The following BCL7A variants were observed in gnomAD, a reference collection of about 807,000 sequenced individuals.
BCL7A encodes BAF chromatin remodeling complex subunit BCL7A.
BCL7A carries 11 observed loss-of-function variants against 28.4 expected under a neutral mutation model. The ratio of observed to expected loss-of-function variants is 0.39; its 90% CI spans 0.24 to 0.64. BCL7A has a LOEUF of 0.64. Among genes scored for constraint, BCL7A ranks in the 30% least tolerant of loss-of-function variants. The pLI is 0.50. For synonymous variants in BCL7A, 123 were observed against 103.3 expected (o/e 1.19, Z -1.15); for missense variants, 222 against 274.8 (o/e 0.81, Z 1.36).
chr12:122,029,502 C>T lies in BCL7A; in HGVS notation c.93-1198C>T, dbSNP rs1189256122. 2.0e-5 allele frequency among the ~76,000 whole-genome samples: 3 copies of T among 152,182 alleles called. No homozygotes were observed. Among genetic ancestry groups the T allele is most frequent in the African/African-American group, 4.8e-5 (2 of 41,430 alleles). On this transcript the variant is annotated intron_variant, in intron 1 of 5. Transcript: ENST00000261822. The surrounding 1 kb of genome is among the most constrained non-coding windows in gnomAD (Gnocchi z 4.3). Reference sequence around the variant, plus strand: ...CAGGCAGCTCACGGACAGAGGTGCTCGTGCCACACAGAATTCTCAGTTCTG... The same window carrying T: ...CAGGCAGCTCACGGACAGAGGTGCTTGTGCCACACAGAATTCTCAGTTCTG...
In BCL7A at chr12:122,043,928, T is replaced by A; in HGVS notation, c.314T>A (p.Ile105Asn). Residue 105 changes from isoleucine to asparagine, a missense_variant, in exon 4 of 6, where the codon ATC (isoleucine) becomes AAC (asparagine). By Grantham distance (149) the Ile-to-Asn change is moderately radical. Coordinates refer to ENST00000261822, the MANE Select transcript of BCL7A (RefSeq NM_001024808.3). ...NQSSIADASP[I>N]KQENSSNSSP... ...AGCTCCATCGCAGATGCCTCCCCCATCAAACAGGAGAACAGCAGCAACTCC... is the reference window on the plus strand; with the variant it reads ...AGCTCCATCGCAGATGCCTCCCCCAACAAACAGGAGAACAGCAGCAACTCC... The A allele has an allele frequency of 6.2e-7, 1 of 1,613,622 alleles. No individual in the cohort carries two copies. Among genetic ancestry groups the A allele is most frequent in the Non-Finnish European group, 8.5e-7 (1 of 1,179,952 alleles).
intron 5 of BCL7A, among the ~76,000 whole-genome samples, chr12:122,056,041 G>T (rs1343902785): frequency 6.6e-6 from 1 of 152,224 alleles, no homozygotes; most frequent in Admixed American, 6.5e-5. Flanking sequence ...GTCTGAGACA[G>T]ACTAGGGCGC....
At chr12:122,038,431 C>CAAGAAAAAAA (rs1883900324) in intron 3 of BCL7A, among the ~76,000 whole-genome samples, 2 of 33,560 alleles carry the variant, frequency 6.0e-5, no homozygotes, top group South Asian at 1.1e-3. Context: ...GACTCTGCCT[C>CAAGAAAAAAA]AAAAAAAAAA....
intron 1 of BCL7A, among the ~76,000 whole-genome samples, chr12:122,024,061 G>A (rs1883550372): frequency 1.3e-5 from 2 of 152,248 alleles, no homozygotes; most frequent in South Asian, 2.1e-4. Flanking sequence ...GAGAGATGGG[G>A]CTTCCCACCC....
intron 4 of BCL7A, among the ~76,000 whole-genome samples, chr12:122,052,670 ATTGTTTTGTTTTTTGTT>A (rs1257256368): frequency 2.0e-5 from 3 of 150,916 alleles, no homozygotes; most frequent in African/African-American, 7.3e-5. Context: ...TTGTTTTTTT[ATTGTTTTGTTTTTTGTT>A]TTGTTTTGTT....
At chr12:122,050,689 G>A (rs1030877750) in intron 4 of BCL7A, among the ~76,000 whole-genome samples, 8 of 152,210 alleles carry the variant, frequency 5.3e-5, no homozygotes, top group Non-Finnish European at 1.0e-4. Flanking sequence ...CCAGCTACTC[G>A]GGAGGCTAAG....
At chr12:122,049,737 G>C (rs1487274309) in intron 4 of BCL7A, among the ~76,000 whole-genome samples, 1 of 152,068 alleles carries the variant, frequency 6.6e-6, no homozygotes, top group Admixed American at 6.6e-5. Context: ...CCCGTCTTTT[G>C]TTTTGCACAT....
intron 3 of BCL7A, among the ~76,000 whole-genome samples, chr12:122,043,008 CTT>C (rs1247246256): frequency 6.9e-6 from 1 of 145,194 alleles, no homozygotes; most frequent in African/African-American, 2.5e-5. Context: ...CCTCCCCCAA[CTT>C]TTTTTTTTTT....
rs144001545 is a variant in BCL7A, at chr12:122,045,589, A to C, written c.439+1536A>C. Among the ~76,000 whole-genome samples the C allele has an allele frequency of 3.1e-3, 475 of 152,130 alleles. 2 individuals carry two copies. The highest frequency in any genetic ancestry group is 0.011 in the African/African-American group (445 of 41,518). On this transcript the variant is annotated intron_variant, in intron 4 of 5. Coordinates refer to ENST00000261822, the MANE Select transcript of BCL7A (RefSeq NM_001024808.3). ...TGTGTGATTGTGTGAATGTGTACACAAATATTTGTGTGTGTTTATTTTGAG... is the reference window on the plus strand; with the variant it reads ...TGTGTGATTGTGTGAATGTGTACACCAATATTTGTGTGTGTTTATTTTGAG...
chr12:122,023,287 AGCCGCCGCAAC>A (rs1883518317), intron 1 of BCL7A, among the ~76,000 whole-genome samples: 1 of 151,992 alleles, frequency 6.6e-6, no homozygotes. Flanking sequence ...GAGGGAGAGG[AGCCGCCGCAAC>A]GCTGGCTCTG....
At chr12:122,043,380 C>T (rs1237836080) in intron 3 of BCL7A, among the ~76,000 whole-genome samples, 1 of 88,368 alleles carries the variant, frequency 1.1e-5, no homozygotes, top group African/African-American at 5.0e-5. Context: ...TCTCTGGACA[C>T]ATGGGATGGC....
intron 1 of BCL7A, among the ~76,000 whole-genome samples, chr12:122,023,820 G>A (rs1028065494): frequency 6.6e-6 from 1 of 152,204 alleles, no homozygotes; most frequent in African/African-American, 2.4e-5. Flanking sequence ...CGGGAAGCCC[G>A]GAGTTGCTCC....
Position 122,061,710 on chromosome 12 carries a change from A to C in BCL7A, c.*2547A>C. 4.3e-6 allele frequency: 1 copy of C among 230,184 alleles called. No homozygotes were observed. The highest frequency in any genetic ancestry group is 8.6e-6 in the Non-Finnish European group (1 of 115,914). 14.3% of individuals were successfully genotyped at this position (230,184 alleles called of 1,614,324 possible). On this transcript the variant is annotated 3_prime_UTR_variant, in exon 6 of 6. Transcript: ENST00000261822. ...CCCAGGGCAAACCTAATTCCCCCCA[A>C]AACGTGAAGTCGGGGAAGCTGCGGC...
chr12:122,048,913 C>T (rs1019181257), intron 4 of BCL7A, among the ~76,000 whole-genome samples: 2 of 150,530 alleles, frequency 1.3e-5, no homozygotes, highest in African/African-American at 2.4e-5. Context: ...CCCAGCTACT[C>T]GGGAAGCTGA....
intron 4 of BCL7A, among the ~76,000 whole-genome samples, chr12:122,045,762 C>T (rs1027513131): frequency 1.3e-5 from 2 of 152,004 alleles, no homozygotes; most frequent in African/African-American, 2.4e-5. Context: ...GACATTTCAT[C>T]CCTAAACATG....
intron 1 of BCL7A, among the ~76,000 whole-genome samples, chr12:122,030,265 G>A (rs77263216): frequency 0.037 from 5,610 of 152,322 alleles, 138 homozygotes; most frequent in Middle Eastern, 0.061. Context: ...CAGAGGGCAG[G>A]AGGAGCCCCG....
chr12:122,038,884 T>G lies in BCL7A; in HGVS notation c.271+3457T>G, dbSNP rs186980231. On this transcript the variant is annotated intron_variant, in intron 3 of 5. Coordinates refer to ENST00000261822, the MANE Select transcript of BCL7A (RefSeq NM_001024808.3). ...TAAATTAAATAATCTCTTAAAAACC[T>G]TGGCATGGGACCAAGCACAGTGGCT... Among the ~76,000 whole-genome samples the G allele has an allele frequency of 1.2e-3, 185 of 152,108 alleles. 2 individuals carry two copies. The highest frequency in any genetic ancestry group is 0.012 in the Admixed American group (178 of 15,250).
intron 3 of BCL7A, among the ~76,000 whole-genome samples, chr12:122,037,552 T>C (rs941285010): frequency 1.3e-5 from 2 of 152,272 alleles, no homozygotes; most frequent in East Asian, 3.9e-4. Flanking sequence ...TGGCGGTGGC[T>C]CATGCCTGTA....
intron 4 of BCL7A, among the ~76,000 whole-genome samples, chr12:122,050,538 G>A (rs938887738): frequency 2.6e-5 from 4 of 152,222 alleles, no homozygotes; most frequent in African/African-American, 9.6e-5. Context: ...TTCCCTGGAA[G>A]GTGGTTCTGC....
Sources: gnomAD v4.1 joint callset for allele counts (sites outside exome capture counted in the v4.1 genomes callset) on GRCh38, gnomAD v4.1.1 for gene constraint, Gnocchi (gnomAD v3.1) non-coding constraint, MANE v1.5 for transcripts, NCBI Gene and HGNC (gene_info 2026-07-23, HGNC 2026-07-21) for gene names.